PRR5L: variants seen among roughly 807,000 people sequenced by gnomAD.
PRR5L encodes the protein proline rich 5 like.
A neutral mutation model predicts 36.4 loss-of-function variants in PRR5L; 21 were observed. The observed-to-expected ratio is 0.58, with a 90% CI of 0.41 to 0.83. The LOEUF (loss-of-function observed/expected upper bound fraction) is 0.83, where lower values mean the gene tolerates loss of function less well. Among genes scored for constraint, PRR5L ranks in the 40% least tolerant of loss-of-function variants. PRR5L has a pLI of 0.00. For synonymous variants in PRR5L, 188 were observed against 197.0 expected (o/e 0.95, Z 0.38); for missense variants, 381 against 473.3 (o/e 0.80, Z 1.81).
intron 1 of PRR5L, among the ~76,000 whole-genome samples, chr11:36,353,054 A>G (rs1856991820): frequency 6.6e-6 from 1 of 152,182 alleles, no homozygotes; most frequent in African/African-American, 2.4e-5. Context: ...CAGTGGCACA[A>G]TCATAGCCCA....
chr11:36,351,755 A>ATTTATATATT (rs1318421922), intron 1 of PRR5L, among the ~76,000 whole-genome samples: 26 of 38,856 alleles, frequency 6.7e-4, no homozygotes, highest in South Asian at 8.7e-4. Context: ...TAATTTATAT[A>ATTTATATATT]TATTTATATA....
At chr11:36,402,605 A>AG (rs1276608655) in intron 2 of PRR5L, among the ~76,000 whole-genome samples, 5 of 152,218 alleles carry the variant, frequency 3.3e-5, no homozygotes, top group African/African-American at 4.8e-5. Context: ...GGATGGAGAG[A>AG]GGGGGCTCCA....
intron 8 of PRR5L, among the ~76,000 whole-genome samples, chr11:36,453,493 C>G (rs759872573): frequency 6.6e-6 from 1 of 152,274 alleles, no homozygotes; most frequent in African/African-American, 2.4e-5. Flanking sequence ...TAGGACAGTC[C>G]CTGCCTCTAG....
At chr11:36,316,311 G>T (rs529940316) in intron 1 of PRR5L, among the ~76,000 whole-genome samples, 3 of 152,304 alleles carry the variant, frequency 2.0e-5, no homozygotes, top group South Asian at 4.1e-4. Flanking sequence ...TTAACCATCT[G>T]ATGGGTTCAC....
At chr11:36,413,423 C>A (rs1202443341) in intron 3 of PRR5L, among the ~76,000 whole-genome samples, 1 of 152,086 alleles carries the variant, frequency 6.6e-6, no homozygotes, top group Admixed American at 6.5e-5. Context: ...GCTGCGGTAA[C>A]CTTGGTGGTG....
intron 1 of PRR5L, among the ~76,000 whole-genome samples, chr11:36,338,878 T>A (rs1856792722): frequency 6.6e-6 from 1 of 152,082 alleles, no homozygotes; most frequent in African/African-American, 2.4e-5. Flanking sequence ...AATTCCCACG[T>A]GCTGTGGGAG....
chr11:36,372,168 G>C (rs1444363725), intron 1 of PRR5L, among the ~76,000 whole-genome samples: 1 of 152,236 alleles, frequency 6.6e-6, no homozygotes, highest in African/African-American at 2.4e-5. Context: ...GAGGAAGAGA[G>C]TGTGGACAGA....
At chr11:36,404,666 AAAC>A (rs1203898441) in intron 3 of PRR5L, among the ~76,000 whole-genome samples, 1 of 151,400 alleles carries the variant, frequency 6.6e-6, no homozygotes, top group African/African-American at 2.4e-5. Flanking sequence ...GCAGAACAAT[AAAC>A]AAGTCCATTG....
chr11:36,425,352 C>G (rs1288123601), intron 4 of PRR5L: 1 of 152,176 alleles, frequency 6.6e-6, no homozygotes, highest in Non-Finnish European at 1.5e-5. Flanking sequence ...GAAGACCCAG[C>G]CCAGGTCATC....
intron 1 of PRR5L, among the ~76,000 whole-genome samples, chr11:36,356,007 G>A (rs150641469): frequency 0.018 from 2,704 of 151,930 alleles, 81 homozygotes; most frequent in African/African-American, 0.059. Flanking sequence ...GACCTCCCAG[G>A]CTCAAATGAT....
At chr11:36,426,153 G>A (rs1018543941) in intron 4 of PRR5L, 8 of 152,278 alleles carry the variant, frequency 5.3e-5, no homozygotes, top group African/African-American at 1.7e-4. Context: ...ATCTGAATCT[G>A]TAATGGATCC....
chr11:36,396,386 G>T (rs1459549648), intron 1 of PRR5L, among the ~76,000 whole-genome samples: 1 of 152,208 alleles, frequency 6.6e-6, no homozygotes, highest in Non-Finnish European at 1.5e-5. Context: ...AGTAAATAAG[G>T]TCATGAGTTA....
At chr11:36,384,530 G>A (rs1281870658) in intron 1 of PRR5L, among the ~76,000 whole-genome samples, 1 of 152,156 alleles carries the variant, frequency 6.6e-6, no homozygotes, top group East Asian at 1.9e-4. Flanking sequence ...TTACCTCCAT[G>A]AAATGATCAT....
intron 1 of PRR5L, among the ~76,000 whole-genome samples, chr11:36,343,050 G>A (rs1856831890): frequency 6.6e-6 from 1 of 152,152 alleles, no homozygotes; most frequent in African/African-American, 2.4e-5. Context: ...AAAGTGATTG[G>A]CAGCTTATGG....
At position 36,341,776 on chromosome 11, in the gene PRR5L, T is replaced by C. The variant is rs376345093; in HGVS notation, c.-126+45338T>C. On this transcript the variant is annotated intron_variant, in intron 1 of 8. Transcript: ENST00000530639. ...AAGACAAGAGCTTGAGGTCAAGTCG[T>C]TGGGCTCTGTGGTGTTTACCTGGTT... Among the ~76,000 whole-genome samples, 8 of 152,314 alleles carry C rather than the reference T, an allele frequency of 5.3e-5. No individual in the cohort carries two copies. The South Asian group carries it at 1.0e-3, about 20-fold the overall frequency.
At chr11:36,425,224 A>G (rs1339246800) in intron 4 of PRR5L, among the ~76,000 whole-genome samples, 1 of 152,130 alleles carries the variant, frequency 6.6e-6, no homozygotes, top group Non-Finnish European at 1.5e-5. Flanking sequence ...CCTCCTGATA[A>G]CTGATGAGGA....
intron 1 of PRR5L, among the ~76,000 whole-genome samples, chr11:36,358,875 G>A (rs1244864308): frequency 2.0e-5 from 3 of 152,208 alleles, no homozygotes; most frequent in Non-Finnish European, 4.4e-5. Context: ...TCTGGGAGGC[G>A]ATAGTGCTCA....
intron 1 of PRR5L, among the ~76,000 whole-genome samples, chr11:36,381,026 A>C (rs1207611771): frequency 6.6e-6 from 1 of 152,222 alleles, no homozygotes; most frequent in Non-Finnish European, 1.5e-5. Context: ...TTAGCATAGA[A>C]TTATATGTTA....
At chr11:36,436,739 A>G (rs1404490221) in intron 5 of PRR5L, among the ~76,000 whole-genome samples, 1 of 152,226 alleles carries the variant, frequency 6.6e-6, no homozygotes, top group Non-Finnish European at 1.5e-5. Flanking sequence ...TGGGTTCTGG[A>G]ATCACAGCTC....
Sources: gnomAD v4.1 joint callset for allele counts (sites outside exome capture counted in the v4.1 genomes callset) on GRCh38, gnomAD v4.1.1 for gene constraint, MANE v1.5 for transcripts, NCBI Gene and HGNC (gene_info 2026-07-23, HGNC 2026-07-21) for gene names.